The following CDS1 variants were observed in gnomAD, a reference collection of about 807,000 sequenced individuals.
The protein encoded by CDS1 is CDP-diacylglycerol synthase 1, also known as phosphatidate cytidylyltransferase 1.
In CDS1, 41 loss-of-function variants were observed where a neutral mutation model predicts 62.1. The observed-to-expected ratio is 0.66, with a 90% CI of 0.51 to 0.86. CDS1 has a LOEUF of 0.86. CDS1 is among the 40% of genes least tolerant of loss of function. The probability of loss-of-function intolerance (pLI) is 0.00; values close to 1 mark genes in which losing one functional copy is unlikely to be tolerated. For missense variants in CDS1, 470 were observed against 550.1 expected (o/e 0.85, Z 1.46); for synonymous variants, 185 against 192.6 (o/e 0.96, Z 0.32).
intron 1 of CDS1, among the ~76,000 whole-genome samples, chr4:84,593,878 A>AT (rs1342617890): frequency 6.6e-6 from 1 of 152,176 alleles, no homozygotes; most frequent in African/African-American, 2.4e-5. Flanking sequence ...AAAATAAACT[A>AT]TTGATTGGCT....
Position 84,619,521 on chromosome 4 carries a change from C to G in CDS1, c.568C>G (p.Leu190Val), listed in dbSNP as rs144762911. 8.2e-4 allele frequency: 1,302 copies of G among 1,586,576 alleles called. 2 individuals are homozygous for G. Among genetic ancestry groups the G allele is most frequent in the Admixed American group, 1.4e-3 (82 of 57,024 alleles). The change falls in exon 5 of 13, where the codon CTC becomes GTC. Residue 190 changes from leucine (L) to valine (V), a missense_variant. Leu to Val is a conservative substitution (Grantham distance 32, BLOSUM62 1). Coordinates refer to ENST00000295887, the MANE Select transcript of CDS1 (RefSeq NM_001263.4). The part of the protein sequence containing the change: ...IRYHRFISFA[L>V]YLAGFCMFVL... ...CTACCATAGATTTATATCATTTGCC[C>G]TCTATCTGGCAGGTAAGTTAAGGAA...
intron 3 of CDS1, among the ~76,000 whole-genome samples, chr4:84,613,930 C>T (rs983295653): frequency 2.6e-5 from 4 of 152,080 alleles, no homozygotes; most frequent in Non-Finnish European, 5.9e-5. Context: ...TACGTGTGAT[C>T]AAATTACTTT....
intron 6 of CDS1, among the ~76,000 whole-genome samples, chr4:84,633,526 A>C (rs1724086896): frequency 6.6e-6 from 1 of 152,244 alleles, no homozygotes; most frequent in Admixed American, 6.5e-5. Context: ...ATGTTGTTAA[A>C]CCAGCAACAG....
chr4:84,620,154 A>G (rs1723633588), intron 5 of CDS1, among the ~76,000 whole-genome samples: 1 of 151,346 alleles, frequency 6.6e-6, no homozygotes, highest in South Asian at 2.1e-4. Flanking sequence ...TTTCACATAT[A>G]TATTGCTTTA....
chr4:84,618,701 G>A (rs1349867492), intron 4 of CDS1, among the ~76,000 whole-genome samples: 1 of 152,146 alleles, frequency 6.6e-6, no homozygotes, highest in African/African-American at 2.4e-5. Context: ...GGTAGACCAG[G>A]TTAGGCCTTG....
At chr4:84,629,614 A>G (rs1192355520) in intron 5 of CDS1, among the ~76,000 whole-genome samples, 1 of 152,154 alleles carries the variant, frequency 6.6e-6, no homozygotes, top group Non-Finnish European at 1.5e-5. Context: ...TCCTGCAACC[A>G]ATCACCCAGG....
At chr4:84,585,592 T>G in intron 1 of CDS1, among the ~76,000 whole-genome samples, 1 of 152,222 alleles carries the variant, frequency 6.6e-6, no homozygotes, top group Non-Finnish European at 1.5e-5. Context: ...GGCAAAACTC[T>G]TGGGGAATTA....
At position 84,594,699 on chromosome 4, in the gene CDS1, C is replaced by A. The variant is rs183606325; in HGVS notation, c.118-9544C>A. On this transcript the variant is annotated intron_variant, in intron 1 of 12. Transcript: ENST00000295887. ...GGTTAGTACAATGATCATCAGCATA[C>A]CTAGGACTTAACTGTTATTAAGAGA... Among the ~76,000 whole-genome samples the A allele has an allele frequency of 4.6e-5, 7 of 152,158 alleles. No individual in the cohort carries two copies. The East Asian group carries it at 1.4e-3, about 29-fold the overall frequency.
chr4:84,602,239 T>A (rs1722959792), intron 1 of CDS1, among the ~76,000 whole-genome samples: 1 of 152,184 alleles, frequency 6.6e-6, no homozygotes, highest in Non-Finnish European at 1.5e-5. Flanking sequence ...CTGGTGCAAT[T>A]TAAGTTTTTA....
At chr4:84,599,822 C>T (rs556356002) in intron 1 of CDS1, among the ~76,000 whole-genome samples, 13 of 152,150 alleles carry the variant, frequency 8.5e-5, no homozygotes, top group South Asian at 4.1e-4. Context: ...GGAGCTATTG[C>T]GAGTAAAGCT....
At chr4:84,630,760 G>T (rs1282454157) in intron 5 of CDS1, among the ~76,000 whole-genome samples, 1 of 151,940 alleles carries the variant, frequency 6.6e-6, no homozygotes, top group African/African-American at 2.4e-5. Context: ...AGCTGTGATT[G>T]TGCCACTGCA....
At chr4:84,630,723 T>A (rs544112570) in intron 5 of CDS1, among the ~76,000 whole-genome samples, 40 of 152,056 alleles carry the variant, frequency 2.6e-4, no homozygotes, top group Non-Finnish European at 5.0e-4. Flanking sequence ...GAGGATCGCT[T>A]GAGGCCAGGA....
intron 3 of CDS1, among the ~76,000 whole-genome samples, chr4:84,610,180 A>T (rs769117083): frequency 1.3e-5 from 2 of 152,178 alleles, no homozygotes; most frequent in African/African-American, 2.4e-5. Context: ...ACATGTTAGG[A>T]GTGCATGGTA....
rs150728314 is a variant in CDS1, at chr4:84,632,278, T to C, written c.639+401T>C. Among the ~76,000 whole-genome samples the C allele has an allele frequency of 1.3e-3, 204 of 152,332 alleles. 1 individual carries two copies. Among genetic ancestry groups the C allele is most frequent in the African/African-American group, 4.4e-3 (181 of 41,578 alleles). On this transcript the variant is annotated intron_variant, in intron 6 of 12. Coordinates refer to ENST00000295887, the MANE Select transcript of CDS1 (RefSeq NM_001263.4). ...GGCGTGCGCATAAAGCAGCAGAGCA[T>C]GTATTATCTTGGTGGTTATGGTTAG...
In CDS1 at chr4:84,635,625, G is replaced by GCCTGCCTT. The variant is rs1427979604; in HGVS notation, c.810+277_810+278insGCCTTCCT. On this transcript the variant is annotated intron_variant, in intron 8 of 12. Transcript: ENST00000295887. ...TGCCTGCCTGCCTGCCTGCCTGCCT[G>GCCTGCCTT]CCTTCCTTCCTTCCTTCCTTCCTTC... Among the ~76,000 whole-genome samples, 56 of 53,356 alleles carry GCCTGCCTT rather than the reference G, an allele frequency of 1.0e-3. 3 individuals are homozygous for GCCTGCCTT. Among genetic ancestry groups the GCCTGCCTT allele is most frequent in the East Asian group, 5.2e-3 (5 of 962 alleles). 35.0% of individuals were successfully genotyped at this position (53,356 alleles called of 152,430 possible).
At chr4:84,596,429 T>C (rs917350533) in intron 1 of CDS1, among the ~76,000 whole-genome samples, 6 of 152,202 alleles carry the variant, frequency 3.9e-5, no homozygotes, top group African/African-American at 1.4e-4. Context: ...TTCTAGCTTC[T>C]AGAGGCTAAC....
chr4:84,646,456 T>G (rs960570229), intron 12 of CDS1, among the ~76,000 whole-genome samples: 7 of 152,190 alleles, frequency 4.6e-5, no homozygotes, highest in African/African-American at 1.7e-4. Flanking sequence ...TTGAAGACTA[T>G]TAAGTATCAC....
rs1394667687 is a variant in CDS1, at chr4:84,617,785, A to G, written c.440+124A>G. 27 of 468,120 alleles carry G rather than the reference A, an allele frequency of 5.8e-5. No homozygotes were observed. The East Asian group carries it at 9.2e-4, about 16-fold the overall frequency. 29.0% of individuals were successfully genotyped at this position (468,120 alleles called of 1,614,324 possible). On this transcript the variant is annotated intron_variant, in intron 4 of 12. Coordinates refer to ENST00000295887, the MANE Select transcript of CDS1 (RefSeq NM_001263.4). ...AGATTGATTCTAGAGAAAGATAAAT[A>G]AAAATAATGTAATTGAATTTTGAAA...
chr4:84,608,422 C>T (rs1181672489), intron 2 of CDS1, among the ~76,000 whole-genome samples: 1 of 152,190 alleles, frequency 6.6e-6, no homozygotes, highest in Admixed American at 6.5e-5. Context: ...GATCTGCCCA[C>T]CTCGGCCTCC....
Sources: gnomAD v4.1 joint callset for allele counts (sites outside exome capture counted in the v4.1 genomes callset) on GRCh38, gnomAD v4.1.1 for gene constraint, MANE v1.5 for transcripts, NCBI Gene and HGNC (gene_info 2026-07-23, HGNC 2026-07-21) for gene names.